Variants in CYTH3 observed in about 807,000 individuals in gnomAD.
CYTH3 encodes cytohesin-3.
CYTH3 carries 23 observed loss-of-function variants against 55.1 expected under a neutral mutation model. The ratio of observed to expected loss-of-function variants is 0.42; its 90% CI spans 0.30 to 0.59. The LOEUF (loss-of-function observed/expected upper bound fraction) is 0.59, where lower values mean the gene tolerates loss of function less well. CYTH3 is among the 20% of genes least tolerant of loss of function. The probability of loss-of-function intolerance (pLI) is 0.20; values close to 1 mark genes in which losing one functional copy is unlikely to be tolerated. For missense variants in CYTH3, 413 were observed against 524.8 expected (o/e 0.79, Z 2.08); for synonymous variants, 249 against 194.9 (o/e 1.28, Z -2.31).
In CYTH3 at chr7:6,163,174, A is replaced by C. The variant is rs1782889253; in HGVS notation, c.*1770T>G. 6.6e-6 allele frequency: 1 copy of C among 152,594 alleles called. No individual in the cohort carries two copies. The highest frequency in any genetic ancestry group is 2.1e-4 in the South Asian group (1 of 4,834). The allele number at this position is 152,594 out of a possible 1,614,324, so 9.5% of individuals were successfully genotyped here. On this transcript the variant is annotated 3_prime_UTR_variant, in exon 13 of 13. Coordinates refer to ENST00000350796, the MANE Select transcript of CYTH3 (RefSeq NM_004227.4). ...CCCCTCTGCAGTCTAGTGTGACTTA[A>C]AGCTACATCAAGGTCAGCCGCAGGG...
intron 1 of CYTH3, among the ~76,000 whole-genome samples, chr7:6,222,323 T>C (rs1483675823): frequency 3.3e-5 from 5 of 152,354 alleles, no homozygotes; most frequent in Non-Finnish European, 7.3e-5. Flanking sequence ...ACTCTGTCTC[T>C]GTTCTCAAGG....
At chr7:6,211,948 T>G in intron 1 of CYTH3, among the ~76,000 whole-genome samples, 1 of 152,196 alleles carries the variant, frequency 6.6e-6, no homozygotes, top group East Asian at 1.9e-4. Flanking sequence ...ATTGTGCCAC[T>G]GCACTCCAGC....
intron 1 of CYTH3, among the ~76,000 whole-genome samples, chr7:6,222,048 A>G (rs914972421): frequency 3.9e-5 from 6 of 152,214 alleles, no homozygotes; most frequent in Admixed American, 3.3e-4. Flanking sequence ...AGACAGAAGG[A>G]CTTACACATC....
intron 1 of CYTH3, among the ~76,000 whole-genome samples, chr7:6,236,605 C>A (rs961705317): frequency 2.6e-5 from 4 of 151,942 alleles, no homozygotes; most frequent in African/African-American, 4.8e-5. Flanking sequence ...GTCGCCCAGG[C>A]TGGAGTATAG....
intron 1 of CYTH3, among the ~76,000 whole-genome samples, chr7:6,200,565 G>C (rs560427022): frequency 6.6e-6 from 1 of 152,214 alleles, no homozygotes; most frequent in South Asian, 2.1e-4. Flanking sequence ...ACTAATTTTT[G>C]TTGTGATATG....
Position 6,171,136 on chromosome 7 carries a change from G to T in CYTH3, c.562+66C>A. 6.3e-7 allele frequency: 1 copy of T among 1,597,286 alleles called. No individual in the cohort carries two copies. Among genetic ancestry groups the T allele is most frequent in the Non-Finnish European group, 8.6e-7 (1 of 1,166,220 alleles). On this transcript the variant is annotated intron_variant, in intron 7 of 12. Coordinates refer to ENST00000350796, the MANE Select transcript of CYTH3 (RefSeq NM_004227.4). The surrounding 1 kb of genome is among the most constrained non-coding windows in gnomAD (Gnocchi z 6.7). ...AACACACGCTGGGCTGTGCCCACAG[G>T]GGCCGCCCCCTCCAGAGCTGGAGGC...
intron 1 of CYTH3, among the ~76,000 whole-genome samples, chr7:6,226,629 C>T (rs571368236): frequency 6.6e-6 from 1 of 152,296 alleles, no homozygotes; most frequent in South Asian, 2.1e-4. Context: ...AACATTTCAA[C>T]CCGTGTTGTG....
intron 1 of CYTH3, among the ~76,000 whole-genome samples, chr7:6,194,305 A>C (rs1352446684): frequency 6.6e-6 from 1 of 152,128 alleles, no homozygotes; most frequent in Non-Finnish European, 1.5e-5. Flanking sequence ...CTTGGGGAAA[A>C]AGCCAGGCGT....
intron 1 of CYTH3, among the ~76,000 whole-genome samples, chr7:6,210,615 T>C (rs1784300516): frequency 6.6e-6 from 1 of 152,248 alleles, no homozygotes; most frequent in Non-Finnish European, 1.5e-5. Flanking sequence ...TGGCTAAAAA[T>C]GCGTGAAATC....
At chr7:6,210,023 C>T (rs1023743200) in intron 1 of CYTH3, among the ~76,000 whole-genome samples, 3 of 152,126 alleles carry the variant, frequency 2.0e-5, no homozygotes, top group Admixed American at 1.3e-4. Flanking sequence ...CTGTATGATA[C>T]GGTAATGGTG....
At chr7:6,203,339 C>T (rs990690523) in intron 1 of CYTH3, among the ~76,000 whole-genome samples, 3 of 152,046 alleles carry the variant, frequency 2.0e-5, no homozygotes, top group Non-Finnish European at 4.4e-5. Context: ...CATATCATTG[C>T]CTCCATAGCT....
At chr7:6,196,509 G>T (rs547017069) in intron 1 of CYTH3, among the ~76,000 whole-genome samples, 1 of 143,688 alleles carries the variant, frequency 7.0e-6, no homozygotes. Flanking sequence ...GCCCAGGCTG[G>T]AGTGCAATGG....
intron 4 of CYTH3, among the ~76,000 whole-genome samples, chr7:6,180,498 G>T (rs1160979761): frequency 6.6e-6 from 1 of 152,212 alleles, no homozygotes; most frequent in Non-Finnish European, 1.5e-5. Context: ...CCAGGAGGGT[G>T]GCAGCCGCCA....
In CYTH3 at chr7:6,225,932, C is replaced by T. The variant is rs551689218; in HGVS notation, c.35-35401G>A. On this transcript the variant is annotated intron_variant, in intron 1 of 12. Coordinates refer to ENST00000350796, the MANE Select transcript of CYTH3 (RefSeq NM_004227.4). ...TGACCTTGGGAGCTCAAGACCACAA[C>T]GCCTCAGCCTTCCAAAGTGCTGGGA... Among the ~76,000 whole-genome samples the T allele has an allele frequency of 1.5e-4, 23 of 152,160 alleles. No individual in the cohort carries two copies. In the South Asian group the frequency reaches 3.9e-3, roughly 26 times the overall value.
chr7:6,271,409 C>T (rs1780649612), intron 1 of CYTH3, among the ~76,000 whole-genome samples: 1 of 152,038 alleles, frequency 6.6e-6, no homozygotes, highest in African/African-American at 2.4e-5. Context: ...ATTAAGATTT[C>T]TCTAAACTGC....
chr7:6,258,739 G>A (rs1160450200), intron 1 of CYTH3, among the ~76,000 whole-genome samples: 1 of 152,094 alleles, frequency 6.6e-6, no homozygotes, highest in East Asian at 1.9e-4. Context: ...CCCATTTTAT[G>A]GTTTCAAATC....
intron 1 of CYTH3, among the ~76,000 whole-genome samples, chr7:6,191,437 T>A (rs966483973): frequency 6.6e-6 from 1 of 152,198 alleles, no homozygotes; most frequent in African/African-American, 2.4e-5. Flanking sequence ...GTTATTTATA[T>A]GGAAAAAATA....
intron 1 of CYTH3, among the ~76,000 whole-genome samples, chr7:6,252,525 T>C (rs575863483): frequency 9.3e-4 from 142 of 152,334 alleles, no homozygotes; most frequent in African/African-American, 3.3e-3. Flanking sequence ...TGAATACTTT[T>C]AGAGGAGTGT....
intron 2 of CYTH3, chr7:6,188,823 T>G (rs1396225225): frequency 1.3e-5 from 2 of 152,176 alleles, no homozygotes; most frequent in African/African-American, 2.4e-5. Context: ...CCAAATAATA[T>G]ACATCCTTAT....
Sources: allele counts gnomAD v4.1 joint callset (sites outside exome capture counted in the v4.1 genomes callset), GRCh38; gene constraint gnomAD v4.1.1; non-coding constraint Gnocchi (gnomAD v3.1); transcripts MANE v1.5; gene names NCBI Gene and HGNC (gene_info 2026-07-23, HGNC 2026-07-21).